The following ANXA8 variants were observed in gnomAD, a reference collection of about 807,000 sequenced individuals.
The protein encoded by ANXA8 is VAC-beta.
Under a neutral mutation model 26.8 loss-of-function variants are expected in ANXA8, and 9 were observed. That is an observed-to-expected ratio of 0.34 (90% confidence interval 0.20 to 0.59). The LOEUF (loss-of-function observed/expected upper bound fraction) is 0.59. ANXA8 is among the 20% of genes least tolerant of loss of function. The pLI, the probability that ANXA8 is intolerant of heterozygous loss-of-function variation, is 0.84. For missense variants in ANXA8, 83 were observed against 238.5 expected (o/e 0.35, Z 4.29); for synonymous variants, 39 against 94.8 (o/e 0.41, Z 3.42).
the ANXA8 span, among the ~76,000 whole-genome samples, chr10:47,525,345 G>A: frequency 6.4e-5 from 9 of 140,696 alleles, no homozygotes; most frequent in Non-Finnish European, 1.2e-4. Flanking sequence ...GGCAGAGACT[G>A]CAGTGAGCCA....
At chr10:47,743,200 A>G in the ANXA8 span, among the ~76,000 whole-genome samples, 2 of 138,598 alleles carry the variant, frequency 1.4e-5, 1 homozygote, top group African/African-American at 5.3e-5. Context: ...AAATGGAAAA[A>G]GAAAAAAATC....
chr10:47,976,937 T>C, the ANXA8 span, among the ~76,000 whole-genome samples: 5 of 63,700 alleles, frequency 7.8e-5, 2 homozygotes, highest in South Asian at 1.2e-3. Flanking sequence ...GGAAAAACTC[T>C]GACATATTCT....
the ANXA8 span, among the ~76,000 whole-genome samples, chr10:47,671,756 C>T: frequency 6.6e-6 from 1 of 151,852 alleles, no homozygotes; most frequent in Admixed American, 6.6e-5. Context: ...CCAAAGTAGT[C>T]TTTCTTAACT....
At chr10:47,743,791 G>A in the ANXA8 span, among the ~76,000 whole-genome samples, 1 of 149,920 alleles carries the variant, frequency 6.7e-6, no homozygotes, top group African/African-American at 2.5e-5. Context: ...GCCACCTCGC[G>A]GCCCGGCCTG....
At chr10:47,563,646 C>T in the ANXA8 span, 33 of 883,596 alleles carry the variant, frequency 3.7e-5, no homozygotes, top group Middle Eastern at 4.3e-4. Flanking sequence ...GAAGTAAAAG[C>T]TTTGGCTTCT....
At chr10:47,503,726 C>A in the ANXA8 span, among the ~76,000 whole-genome samples, 1 of 115,608 alleles carries the variant, frequency 8.6e-6, no homozygotes, top group Admixed American at 9.1e-5. Flanking sequence ...GAGTTCAAGA[C>A]CATCCTGGCC....
At chr10:47,699,325 C>A in the ANXA8 span, among the ~76,000 whole-genome samples, 1 of 104,890 alleles carries the variant, frequency 9.5e-6, no homozygotes. Flanking sequence ...GCCTGAGGGA[C>A]AGAGCGAGAT....
the ANXA8 span, among the ~76,000 whole-genome samples, chr10:47,646,048 CT>C: frequency 1.3e-5 from 2 of 149,146 alleles, no homozygotes; most frequent in African/African-American, 2.6e-5. Context: ...ATCTCTGTCT[CT>C]TTCTCTATCT....
the ANXA8 span, among the ~76,000 whole-genome samples, chr10:47,736,936 T>A: frequency 6.6e-6 from 1 of 151,878 alleles, no homozygotes; most frequent in Non-Finnish European, 1.5e-5. Context: ...ACTACAGGTG[T>A]GAACCACTGC....
chr10:47,706,566 G>A, the ANXA8 span: 3 of 701,858 alleles, frequency 4.3e-6, no homozygotes, highest in Non-Finnish European at 7.4e-6. Context: ...AAATAAGAAA[G>A]ACCTGCATAT....
At chr10:47,577,589 G>A in the ANXA8 span, among the ~76,000 whole-genome samples, 3 of 115,034 alleles carry the variant, frequency 2.6e-5, no homozygotes, top group Non-Finnish European at 3.7e-5. Context: ...CAGGAGGATC[G>A]TTTGAGACCA....
the ANXA8 span, among the ~76,000 whole-genome samples, chr10:47,744,498 GGCTA>G: frequency 6.7e-6 from 1 of 149,146 alleles, no homozygotes; most frequent in East Asian, 2.1e-4. Flanking sequence ...CAGCGGTAAG[GGCTA>G]GCTCCTTTCT....
the ANXA8 span, among the ~76,000 whole-genome samples, chr10:47,691,751 C>T: frequency 6.7e-6 from 1 of 148,846 alleles, no homozygotes; most frequent in Non-Finnish European, 1.5e-5. Context: ...AGAGTTAGAC[C>T]TTTCTGCTTC....
At chr10:47,736,950 C>A in the ANXA8 span, among the ~76,000 whole-genome samples, 1 of 151,968 alleles carries the variant, frequency 6.6e-6, no homozygotes, top group South Asian at 2.1e-4. Flanking sequence ...CCACTGCGCC[C>A]AGCCTTAATT....
upstream of ANXA8, among the ~76,000 whole-genome samples, chr10:47,488,510 C>G (rs1189395070): frequency 4.6e-5 from 7 of 150,924 alleles, no homozygotes; most frequent in African/African-American, 1.7e-4. Flanking sequence ...TGCACCTGGC[C>G]TATGGTATTT....
the ANXA8 span, among the ~76,000 whole-genome samples, chr10:47,619,371 G>A: frequency 8.9e-6 from 1 of 112,800 alleles, no homozygotes; most frequent in African/African-American, 3.4e-5. Context: ...GAATGTCCAC[G>A]AGTCAGCTCT....
chr10:47,710,930 A>G, the ANXA8 span, among the ~76,000 whole-genome samples: 14 of 133,822 alleles, frequency 1.0e-4, no homozygotes, highest in Admixed American at 1.1e-3. Context: ...ATGGTGGTGA[A>G]ATAAAGGCTT....
chr10:47,667,502 T>C, the ANXA8 span, among the ~76,000 whole-genome samples: 1 of 151,878 alleles, frequency 6.6e-6, no homozygotes, highest in Non-Finnish European at 1.5e-5. Flanking sequence ...TTTTTTGTTG[T>C]TGTTTTTGTT....
the ANXA8 span, among the ~76,000 whole-genome samples, chr10:47,695,321 G>A: frequency 6.6e-6 from 1 of 151,096 alleles, no homozygotes; most frequent in East Asian, 1.9e-4. Context: ...GGAGGGAAAG[G>A]AATGTGTAAT....
Sources: allele counts gnomAD v4.1 joint callset (sites outside exome capture counted in the v4.1 genomes callset), GRCh38; gene constraint gnomAD v4.1.1; transcripts MANE v1.5; gene names NCBI Gene and HGNC (gene_info 2026-07-23, HGNC 2026-07-21).